The following ADARB2 variants were observed in gnomAD, a reference collection of about 807,000 sequenced individuals.
ADARB2 encodes inactive double-stranded RNA-specific editase B2.
ADARB2 carries 25 observed loss-of-function variants against 62.2 expected under a neutral mutation model. That is an observed-to-expected ratio of 0.40 (90% CI 0.29 to 0.56). ADARB2 has a LOEUF of 0.56. ADARB2 is among the 20% of genes least tolerant of loss of function. ADARB2 has a pLI of 0.43. For missense variants in ADARB2, 1,071 were observed against 1,077.4 expected, an observed-to-expected ratio of 0.99 and a Z score of 0.08; for synonymous variants, 572 against 500.8, an observed-to-expected ratio of 1.14 and a Z score of -1.90.
intron 3 of ADARB2, chr10:1,292,799 G>C (rs530761877): frequency 3.3e-5 from 5 of 152,322 alleles, no homozygotes; most frequent in East Asian, 3.9e-4. Flanking sequence ...GTCGAATGAC[G>C]TGTGGCTGCT....
chr10:1,616,186 G>A (rs1434054690), intron 1 of ADARB2, among the ~76,000 whole-genome samples: 1 of 152,234 alleles, frequency 6.6e-6, no homozygotes, highest in East Asian at 1.9e-4. Context: ...GAAGGGCATT[G>A]ATGGTGGCTT....
chr10:1,476,899 G>C (rs1300570686), intron 1 of ADARB2, among the ~76,000 whole-genome samples: 1 of 152,110 alleles, frequency 6.6e-6, no homozygotes, highest in Non-Finnish European at 1.5e-5. Context: ...GAGGGTGGCC[G>C]CATGATATTC....
At chr10:1,643,673 C>G (rs1159719289) in intron 1 of ADARB2, among the ~76,000 whole-genome samples, 1 of 152,240 alleles carries the variant, frequency 6.6e-6, no homozygotes, top group Non-Finnish European at 1.5e-5. Context: ...GGTTCCCTAT[C>G]CCTTAGGGTG....
intron 1 of ADARB2, among the ~76,000 whole-genome samples, chr10:1,719,395 T>C (rs991477490): frequency 1.3e-5 from 2 of 152,262 alleles, no homozygotes; most frequent in African/African-American, 4.8e-5. Context: ...TTCAAATCTT[T>C]GGATTTCAGA....
intron 1 of ADARB2, among the ~76,000 whole-genome samples, chr10:1,506,480 GCGCTTTTCTGTT>G (rs1472287842): frequency 5.3e-5 from 8 of 152,124 alleles, no homozygotes; most frequent in African/African-American, 1.9e-4. Flanking sequence ...AAACTCTGCA[GCGCTTTTCTGTT>G]AGTTTCAGCG....
In ADARB2 at chr10:1,448,692, G is replaced by A. The variant is rs533347363; in HGVS notation, c.101-69532C>T. Among the ~76,000 whole-genome samples, 4 of 152,294 alleles carry A rather than the reference G, an allele frequency of 2.6e-5. No homozygotes were observed. In the East Asian group the frequency reaches 7.7e-4, roughly 29 times the overall value. The stretch of plus-strand genomic sequence containing the variant: ...AAGACTGGTTGGGCCAGACATGTAA[G>A]TTTCCCTCAGTCCAGCAGCTAAGCA... On this transcript the variant is annotated intron_variant, in intron 1 of 9. Coordinates refer to ENST00000381312, the MANE Select transcript of ADARB2 (RefSeq NM_018702.4).
chr10:1,326,066 A>G (rs1174187707), intron 3 of ADARB2, among the ~76,000 whole-genome samples: 2 of 152,276 alleles, frequency 1.3e-5, no homozygotes, highest in African/African-American at 4.8e-5. Flanking sequence ...ATATGTAAAC[A>G]GTAAGATACT....
At chr10:1,646,197 A>G (rs1588336924) in intron 1 of ADARB2, among the ~76,000 whole-genome samples, 1 of 152,168 alleles carries the variant, frequency 6.6e-6, no homozygotes, top group East Asian at 1.9e-4. Flanking sequence ...ACATGGCCCA[A>G]GTGCTCTGAA....
rs781236187 is a variant in ADARB2, at chr10:1,425,288, C to A, written c.101-46128G>T. ...GGTCATGGTTCTCCTGCCCTATATACCACCTGTTTCTCAGGATACTTTACG... is the reference window on the plus strand; with the variant it reads ...GGTCATGGTTCTCCTGCCCTATATAACACCTGTTTCTCAGGATACTTTACG... On this transcript the variant is annotated intron_variant, in intron 1 of 9. Coordinates refer to ENST00000381312, the MANE Select transcript of ADARB2 (RefSeq NM_018702.4). Among the ~76,000 whole-genome samples the A allele has an allele frequency of 2.8e-4, 42 of 152,324 alleles. No homozygotes were observed. In the Middle Eastern group the frequency reaches 0.01, roughly 37 times the overall value.
chr10:1,609,483 G>A (rs1486655732), intron 1 of ADARB2, among the ~76,000 whole-genome samples: 1 of 152,186 alleles, frequency 6.6e-6, no homozygotes, highest in Non-Finnish European at 1.5e-5. Flanking sequence ...CTGGCCCGAG[G>A]ACCCACAAAT....
rs138077706 is a variant in ADARB2, at chr10:1,713,572, G to T, written c.100+23479C>A. Among the ~76,000 whole-genome samples, 240 of 152,314 alleles carry T rather than the reference G, an allele frequency of 1.6e-3. 6 individuals carry two copies. The East Asian group carries it at 0.037, about 24-fold the overall frequency. ...ACGTGGGTTCCAGGGGGTTCAAAGA[G>T]CATTGGCAAAGCCACAATACTCTTC... On this transcript the variant is annotated intron_variant, in intron 1 of 9. Transcript: ENST00000381312.
chr10:1,728,134 GGTT>G (rs1212448737), intron 1 of ADARB2, among the ~76,000 whole-genome samples: 2 of 152,120 alleles, frequency 1.3e-5, no homozygotes, highest in African/African-American at 2.4e-5. Context: ...ACACCAATGT[GGTT>G]GTTGTTTCTC....
chr10:1,488,585 T>A (rs2131929858), intron 1 of ADARB2, among the ~76,000 whole-genome samples: 1 of 151,244 alleles, frequency 6.6e-6, no homozygotes, highest in African/African-American at 2.5e-5. Context: ...GCAGGATCAA[T>A]GATCAATGAT....
At chr10:1,702,318 C>T (rs1487901556) in intron 1 of ADARB2, among the ~76,000 whole-genome samples, 1 of 152,194 alleles carries the variant, frequency 6.6e-6, no homozygotes, top group Non-Finnish European at 1.5e-5. Context: ...ATAACCCATT[C>T]ATTAGATGGA....
At chr10:1,469,676 T>C (rs553663079) in intron 1 of ADARB2, among the ~76,000 whole-genome samples, 27 of 152,342 alleles carry the variant, frequency 1.8e-4, no homozygotes, top group African/African-American at 6.3e-4. Flanking sequence ...AACAGTGCTT[T>C]ATCCTCAAGG....
At chr10:1,720,854 C>T (rs1014531215) in intron 1 of ADARB2, among the ~76,000 whole-genome samples, 1 of 152,310 alleles carries the variant, frequency 6.6e-6, no homozygotes, top group African/African-American at 2.4e-5. Context: ...CGTTTATTAA[C>T]GTGTGTGCCC....
chr10:1,373,482 C>T (rs117961941), intron 2 of ADARB2, among the ~76,000 whole-genome samples: 2,928 of 152,264 alleles, frequency 0.019, 51 homozygotes, highest in South Asian at 0.05. Flanking sequence ...CGAGTGTGTG[C>T]CCGAGCATGT....
rs11250450 is a variant in ADARB2 at position 1,354,950 on chromosome 10, C to T, written c.1077+8078G>A. ...CTGAGCTCCATGGAGGTACCCAAGG[C>T]GGCACCAGCCCAGGAGGGCAGTGGA... On this transcript the variant is annotated intron_variant, in intron 3 of 9. Coordinates refer to ENST00000381312, the MANE Select transcript of ADARB2 (RefSeq NM_018702.4). 9.3e-3 allele frequency among the ~76,000 whole-genome samples: 1,423 copies of T among 152,306 alleles called. 24 individuals are homozygous for T. The highest frequency in any genetic ancestry group is 0.031 in the African/African-American group (1,307 of 41,554).
At chr10:1,675,182 G>T (rs113562802) in intron 1 of ADARB2, 1 of 979,930 alleles carries the variant, frequency 1.0e-6, no homozygotes, top group African/African-American at 1.8e-5. Flanking sequence ...TTTGGGTTCA[G>T]GGATGCATGG....
Sources: gnomAD v4.1 joint callset for allele counts (sites outside exome capture counted in the v4.1 genomes callset) on GRCh38, gnomAD v4.1.1 for gene constraint, MANE v1.5 for transcripts, NCBI Gene and HGNC (gene_info 2026-07-23, HGNC 2026-07-21) for gene names.